Variants in LRP5 observed in about 807,000 individuals in gnomAD.
LRP5 encodes the protein LDL receptor related protein 5.
Under a neutral mutation model 154.1 loss-of-function variants are expected in LRP5, and 62 were observed. The ratio of observed to expected loss-of-function variants is 0.40; its 90% CI spans 0.33 to 0.50. The LOEUF is 0.50. Among genes scored for constraint, LRP5 ranks in the 20% least tolerant of loss-of-function variants. LRP5 has a pLI of 0.55. For missense variants in LRP5, 1,915 were observed against 2,336.7 expected (o/e 0.82, Z 3.72); for synonymous variants, 966 against 1,011.5 (o/e 0.96, Z 0.85).
intron 1 of LRP5, among the ~76,000 whole-genome samples, chr11:68,341,773 A>C: frequency 1.4e-5 from 2 of 146,872 alleles, no homozygotes; most frequent in Admixed American, 6.7e-5. Flanking sequence ...CCCACTTCTC[A>C]TGTAGCATGC....
intron 5 of LRP5, among the ~76,000 whole-genome samples, chr11:68,366,828 A>G (rs1215827670): frequency 7.9e-5 from 12 of 152,164 alleles, no homozygotes; most frequent in Non-Finnish European, 1.3e-4. Flanking sequence ...GGCTCTGGAC[A>G]GCACCCCATT....
chr11:68,357,217 G>A (rs549890494), intron 2 of LRP5, among the ~76,000 whole-genome samples: 3 of 152,300 alleles, frequency 2.0e-5, no homozygotes, highest in African/African-American at 7.2e-5. Flanking sequence ...TTAGAGGTGT[G>A]AGCCACTGGG....
chr11:68,435,716 A>G (rs1188389454), intron 18 of LRP5, among the ~76,000 whole-genome samples: 1 of 152,150 alleles, frequency 6.6e-6, no homozygotes, highest in Non-Finnish European at 1.5e-5. Context: ...ATGCCATGCC[A>G]TGCCATGCTA....
At chr11:68,422,192 C>T (rs574240950) in intron 13 of LRP5, among the ~76,000 whole-genome samples, 96 of 152,306 alleles carry the variant, frequency 6.3e-4, no homozygotes, top group South Asian at 5.0e-3. Flanking sequence ...AAGTGATTCT[C>T]CCACCTCAGT....
chr11:68,304,458 T>C, the LRP5 span, among the ~76,000 whole-genome samples: 1 of 152,154 alleles, frequency 6.6e-6, no homozygotes, highest in Non-Finnish European at 1.5e-5. Flanking sequence ...AGCCTTCCCA[T>C]TGGAGGGGAA....
chr11:68,332,695 T>C lies in LRP5; in HGVS notation c.92-15152T>C, dbSNP rs560586142. 7.9e-5 allele frequency among the ~76,000 whole-genome samples: 12 copies of C among 152,206 alleles called. No individual in the cohort carries two copies. In the South Asian group the frequency reaches 2.5e-3, roughly 32 times the overall value. Reference sequence around the variant, plus strand: ...CTACGGGAGACTTGGTCTACTCTGGTGCGGTGGGATTCATGTAGAGAGAGC... The same window carrying C: ...CTACGGGAGACTTGGTCTACTCTGGCGCGGTGGGATTCATGTAGAGAGAGC... On this transcript the variant is annotated intron_variant, in intron 1 of 22. Transcript: ENST00000294304.
At chr11:68,333,459 G>A (rs982973045) in intron 1 of LRP5, among the ~76,000 whole-genome samples, 1 of 152,184 alleles carries the variant, frequency 6.6e-6, no homozygotes, top group Non-Finnish European at 1.5e-5. Context: ...CAGCTCACTT[G>A]TACTTTGATT....
intron 1 of LRP5, among the ~76,000 whole-genome samples, chr11:68,326,202 G>T (rs2098599545): frequency 6.6e-6 from 1 of 152,208 alleles, no homozygotes; most frequent in South Asian, 2.1e-4. Context: ...AGGTACCTTC[G>T]GGTGCGCCTC....
At chr11:68,416,061 AAAAT>A (rs936383509) in intron 12 of LRP5, among the ~76,000 whole-genome samples, 27 of 152,264 alleles carry the variant, frequency 1.8e-4, no homozygotes, top group South Asian at 6.2e-4. Flanking sequence ...TCTCAAAAAA[AAAAT>A]AAATAAATAA....
intron 1 of LRP5, among the ~76,000 whole-genome samples, chr11:68,320,768 CT>C: frequency 6.6e-6 from 1 of 152,252 alleles, no homozygotes; most frequent in Non-Finnish European, 1.5e-5. Context: ...GCCTGTTTAT[CT>C]TTTTCTTATA....
At chr11:68,351,815 G>A (rs763483332) in intron 2 of LRP5, among the ~76,000 whole-genome samples, 10 of 152,162 alleles carry the variant, frequency 6.6e-5, no homozygotes, top group South Asian at 2.1e-4. Flanking sequence ...GGCTTCCGTC[G>A]GAGCTCAGGT....
intron 13 of LRP5, among the ~76,000 whole-genome samples, chr11:68,420,280 C>T (rs35564408): frequency 6.6e-6 from 1 of 152,186 alleles, no homozygotes. Flanking sequence ...TCTCTAGGTA[C>T]CTCATGTAAG....
At chr11:68,431,910 G>A (rs1199448084) in intron 17 of LRP5, among the ~76,000 whole-genome samples, 2 of 152,218 alleles carry the variant, frequency 1.3e-5, no homozygotes, top group East Asian at 1.9e-4. Flanking sequence ...GGAACTCCAG[G>A]CCCCTTCCTC....
intron 5 of LRP5, among the ~76,000 whole-genome samples, chr11:68,385,490 G>C (rs1565363549): frequency 6.6e-6 from 1 of 152,184 alleles, no homozygotes; most frequent in Non-Finnish European, 1.5e-5. Flanking sequence ...TGGCCCAGCT[G>C]TGTGGAGGCC....
chr11:68,362,242 G>C (rs1192096653), intron 3 of LRP5, among the ~76,000 whole-genome samples: 2 of 152,192 alleles, frequency 1.3e-5, no homozygotes, highest in Non-Finnish European at 2.9e-5. Flanking sequence ...CATCAAAAGT[G>C]TTTGCCGGGG....
Position 68,436,968 on chromosome 11 carries a change from C to T in LRP5, c.4080C>T (p.Asp1360=). The change falls in exon 19 of 23, where the codon GAC becomes GAT. Residue 1360 remains aspartate (D), a synonymous_variant. Coordinates refer to ENST00000294304, the MANE Select transcript of LRP5 (RefSeq NM_002335.4). ...LIKQQCDSFP[D]CIDGSDELMC... ...AACAGCAGTGCGACTCCTTCCCCGACTGTATCGACGGCTCCGACGAGCTCA... is the reference window on the plus strand; with the variant it reads ...AACAGCAGTGCGACTCCTTCCCCGATTGTATCGACGGCTCCGACGAGCTCA... The T allele has an allele frequency of 6.2e-7, 1 of 1,613,848 alleles. No homozygotes were observed. Among genetic ancestry groups the T allele is most frequent in the South Asian group, 1.1e-5 (1 of 91,086 alleles).
chr11:68,317,836 T>C (rs1463768574), intron 1 of LRP5, among the ~76,000 whole-genome samples: 1 of 152,114 alleles, frequency 6.6e-6, no homozygotes, highest in East Asian at 1.9e-4. Context: ...AGCCTTATTT[T>C]CTAATAGAGC....
intron 5 of LRP5, among the ~76,000 whole-genome samples, chr11:68,369,343 G>A (rs2098632825): frequency 6.6e-6 from 1 of 152,152 alleles, no homozygotes; most frequent in Non-Finnish European, 1.5e-5. Flanking sequence ...GGTGATGTCT[G>A]CCTAAACACT....
At chr11:68,445,759 T>TCCAGGCA in intron 21 of LRP5, 1 of 922,970 alleles carries the variant, frequency 1.1e-6, no homozygotes, top group Non-Finnish European at 1.5e-6. Flanking sequence ...GGTTGTGTGC[T>TCCAGGCA]GCCTGGACCT....
Sources: gnomAD v4.1 joint callset for allele counts (sites outside exome capture counted in the v4.1 genomes callset) on GRCh38, gnomAD v4.1.1 for gene constraint, MANE v1.5 for transcripts, NCBI Gene and HGNC (gene_info 2026-07-23, HGNC 2026-07-21) for gene names.